ZFHX3: variants seen among roughly 807,000 people sequenced by gnomAD.
ZFHX3 encodes zinc finger homeobox 3.
A neutral mutation model predicts 279.1 loss-of-function variants in ZFHX3; 42 were observed. The observed-to-expected ratio is 0.15, with a 90% CI of 0.12 to 0.19. ZFHX3 has a LOEUF of 0.19. Ranked by LOEUF, ZFHX3 falls within the 10% of genes least tolerant of loss-of-function variation. The probability of loss-of-function intolerance (pLI) is 1.00; values close to 1 mark genes in which losing one functional copy is unlikely to be tolerated. For missense variants in ZFHX3, 4,981 were observed against 4,754.0 expected (o/e 1.05, Z -1.40); for synonymous variants, 2,293 against 1,957.8 (o/e 1.17, Z -4.52).
chr16:73,762,745 A>G (rs562640760), intron 1 of ZFHX3, among the ~76,000 whole-genome samples: 219 of 152,310 alleles, frequency 1.4e-3, no homozygotes, highest in African/African-American at 5.0e-3. Context: ...CAAATACCAC[A>G]TGTTCTCACT....
At chr16:73,029,104 C>A (rs1233914330) in intron 1 of ZFHX3, among the ~76,000 whole-genome samples, 2 of 152,156 alleles carry the variant, frequency 1.3e-5, no homozygotes, top group African/African-American at 2.4e-5. Flanking sequence ...CAAAGGTAGA[C>A]CCTCTCCACT....
intron 3 of ZFHX3, among the ~76,000 whole-genome samples, chr16:73,411,023 T>C (rs1180246058): frequency 6.6e-6 from 1 of 152,190 alleles, no homozygotes; most frequent in Non-Finnish European, 1.5e-5. Context: ...AAGATGGATA[T>C]GGGTTGCTCT....
At chr16:73,548,699 C>T (rs962155315) in intron 2 of ZFHX3, among the ~76,000 whole-genome samples, 2 of 151,950 alleles carry the variant, frequency 1.3e-5, no homozygotes, top group South Asian at 4.2e-4. Flanking sequence ...GTATTCACTC[C>T]ACTAGAAGGT....
At chr16:73,218,530 A>T (rs2012293793) in intron 5 of ZFHX3, among the ~76,000 whole-genome samples, 1 of 152,206 alleles carries the variant, frequency 6.6e-6, no homozygotes, top group Non-Finnish European at 1.5e-5. Flanking sequence ...TCACTTTGGG[A>T]GGCCGAGGCA....
Position 73,253,083 on chromosome 16 carries a change from C to A in ZFHX3, c.-1104+3964G>T, listed in dbSNP as rs371321845. Reference sequence around the variant, plus strand: ...CAGGCTGTTCCAGGCGATGACTGAGCACGGCAAAGTGCTAGAACTGCACCA... The same window carrying A: ...CAGGCTGTTCCAGGCGATGACTGAGAACGGCAAAGTGCTAGAACTGCACCA... On this transcript the variant is annotated intron_variant, in intron 5 of 17. Coordinates refer to the ZFHX3 transcript ENST00000641206. Among the ~76,000 whole-genome samples the A allele has an allele frequency of 7.2e-5, 11 of 152,300 alleles. No homozygotes were observed. In the East Asian group the frequency reaches 2.1e-3, roughly 29 times the overall value.
rs1001459092 is a variant in ZFHX3, at chr16:73,581,540, G to A, written c.-1547+98640C>T. Among the ~76,000 whole-genome samples the A allele has an allele frequency of 1.8e-4, 28 of 151,568 alleles. 1 individual carries two copies. The highest frequency in any genetic ancestry group is 3.7e-4 in the African/African-American group (15 of 41,058). On this transcript the variant is annotated intron_variant, in intron 2 of 17. Transcript: ENST00000641206. Reference sequence around the variant, plus strand: ...AATCAAGCTGAAGGGTTTAAGTACCGCAGTGATTTTTTGAAGTGTTATATT... The same window carrying A: ...AATCAAGCTGAAGGGTTTAAGTACCACAGTGATTTTTTGAAGTGTTATATT...
At chr16:73,579,023 A>G (rs2051829515) in intron 2 of ZFHX3, among the ~76,000 whole-genome samples, 1 of 152,184 alleles carries the variant, frequency 6.6e-6, no homozygotes, top group Non-Finnish European at 1.5e-5. Context: ...TACTGATGGA[A>G]CAGACTCTTT....
chr16:73,183,617 T>G (rs1967848373), intron 5 of ZFHX3, among the ~76,000 whole-genome samples: 1 of 152,234 alleles, frequency 6.6e-6, no homozygotes, highest in Non-Finnish European at 1.5e-5. Context: ...CAGCCCAGAC[T>G]TCACACGCTG....
At chr16:73,503,490 C>A (rs2019273325) in intron 2 of ZFHX3, among the ~76,000 whole-genome samples, 2 of 152,170 alleles carry the variant, frequency 1.3e-5, no homozygotes, top group African/African-American at 4.8e-5. Context: ...GGGGGTGGTA[C>A]TCCATGGCGG....
rs1366937336 is a variant in ZFHX3 at position 72,958,302 on chromosome 16, C to A, written c.1844G>T (p.Gly615Val). Reference protein sequence around the residue: ...PNESTEGDDGGFVPHHQHAGS... With the variant: ...PNESTEGDDGVFVPHHQHAGS... ...AGCGTGCTGGTGATGGGGAACGAAG[C>A]CCCCATCGTCACCCTCTGTGCTTTC... The change falls in exon 2 of 10, where the codon GGC becomes GTC. Residue 615 changes from glycine to valine, a missense_variant. Physicochemically the swap from Gly to Val is moderately radical, Grantham distance 109. Around this residue, in one of 7 missense-constraint regions of ZFHX3, gnomAD observed 1,068 missense variants for 935.2 expected, o/e 1.14. Coordinates refer to ENST00000268489, the MANE Select transcript of ZFHX3 (RefSeq NM_006885.4). 6.2e-7 allele frequency: 1 copy of A among 1,614,000 alleles called. No individual in the cohort carries two copies. The highest frequency in any genetic ancestry group is 8.5e-7 in the Non-Finnish European group (1 of 1,179,852).
intron 1 of ZFHX3, among the ~76,000 whole-genome samples, chr16:73,866,483 A>G (rs1004404699): frequency 1.3e-5 from 2 of 152,006 alleles, no homozygotes; most frequent in South Asian, 2.1e-4. Context: ...TTCTCCAAAC[A>G]AGACAAATGC....
At chr16:73,841,019 G>T (rs1389380405) in intron 1 of ZFHX3, among the ~76,000 whole-genome samples, 1 of 152,170 alleles carries the variant, frequency 6.6e-6, no homozygotes, top group African/African-American at 2.4e-5. Context: ...AAATGCATGT[G>T]TTGACTACCA....
intron 1 of ZFHX3, among the ~76,000 whole-genome samples, chr16:72,992,401 G>C (rs999192443): frequency 1.3e-5 from 2 of 152,206 alleles, no homozygotes; most frequent in African/African-American, 4.8e-5. Context: ...TGTTTAGTGA[G>C]AGGACCTCCG....
intron 4 of ZFHX3, among the ~76,000 whole-genome samples, chr16:73,289,185 A>G (rs560876814): frequency 6.6e-6 from 1 of 151,796 alleles, no homozygotes; most frequent in Non-Finnish European, 1.5e-5. Flanking sequence ...AATATTTAAA[A>G]ACCGTGTGGC....
chr16:73,720,325 G>A (rs933186742), intron 1 of ZFHX3, among the ~76,000 whole-genome samples: 11 of 152,134 alleles, frequency 7.2e-5, no homozygotes, highest in Non-Finnish European at 1.2e-4. Flanking sequence ...TTAGGGAATT[G>A]ATCATAAACA....
chr16:73,246,910 A>G (rs951693162), intron 5 of ZFHX3, among the ~76,000 whole-genome samples: 3 of 152,148 alleles, frequency 2.0e-5, no homozygotes, highest in African/African-American at 7.2e-5. Context: ...ATGTCCCTTT[A>G]TACTCCTTCA....
At chr16:72,953,860 C>T (rs1221677941) in intron 2 of ZFHX3, among the ~76,000 whole-genome samples, 1 of 152,230 alleles carries the variant, frequency 6.6e-6, no homozygotes, top group African/African-American at 2.4e-5. Flanking sequence ...AGCCACCATG[C>T]CTGGCCAGCA....
intron 8 of ZFHX3, 124 bp from the exon 9 acceptor site, chr16:72,798,838 CA>C (rs1395782555): frequency 2.8e-6 from 4 of 1,416,888 alleles, no homozygotes; most frequent in Non-Finnish European, 3.7e-6. Context: ...GGGAAGTGCC[CA>C]ACCTGAATGA....
chr16:73,089,874 C>T (rs1248877926), intron 8 of ZFHX3, among the ~76,000 whole-genome samples: 2 of 152,180 alleles, frequency 1.3e-5, no homozygotes, highest in South Asian at 2.1e-4. Context: ...ATTCCTGAAC[C>T]GAAGCTGTGC....
Sources: allele counts gnomAD v4.1 joint callset (sites outside exome capture counted in the v4.1 genomes callset), GRCh38; gene constraint gnomAD v4.1.1; regional missense constraint gnomAD v4.1.1; transcripts MANE v1.5; gene names NCBI Gene and HGNC (gene_info 2026-07-23, HGNC 2026-07-21).